Variants in ITGA2 observed in about 807,000 individuals in gnomAD.
ITGA2 encodes the protein integrin subunit alpha 2.
In ITGA2, 101 loss-of-function variants were observed where a neutral mutation model predicts 146.3. The ratio of observed to expected loss-of-function variants is 0.69; its 90% confidence interval spans 0.59 to 0.81. The LOEUF (loss-of-function observed/expected upper bound fraction) is 0.81. Ranked by LOEUF, ITGA2 falls within the 40% of genes least tolerant of loss-of-function variation. The pLI is 0.00. For synonymous variants in ITGA2, 477 were observed against 487.1 expected, an observed-to-expected ratio of 0.98 and a Z score of 0.27; for missense variants, 1,281 against 1,402.7, an observed-to-expected ratio of 0.91 and a Z score of 1.39.
intron 23 of ITGA2, among the ~76,000 whole-genome samples, chr5:53,075,942 A>C (rs1032201780): frequency 1.3e-5 from 2 of 152,104 alleles, no homozygotes; most frequent in South Asian, 4.1e-4. Context: ...TGCCCAAAGC[A>C]AGCAAACCTG....
rs533464833 is a variant in ITGA2 at position 53,061,249 on chromosome 5, T to A, written c.1458+203T>A. Reference sequence around the variant, plus strand: ...CTCCCTTTTGACAACTTACTGGGAATTTAGCTAGCTTTCTAAGGTCACACA... The same window carrying A: ...CTCCCTTTTGACAACTTACTGGGAAATTAGCTAGCTTTCTAAGGTCACACA... On this transcript the variant is annotated intron_variant, in intron 12 of 29. Coordinates refer to ENST00000296585, the MANE Select transcript of ITGA2 (RefSeq NM_002203.4). 4.6e-5 allele frequency among the ~76,000 whole-genome samples: 7 copies of A among 152,000 alleles called. 1 individual carries two copies. The highest frequency in any genetic ancestry group is 1.7e-4 in the African/African-American group (7 of 41,524).
chr5:53,075,358 G>A (rs1429214097), intron 23 of ITGA2, 54 bp downstream of exon 23: 1 of 1,441,916 alleles, frequency 6.9e-7, no homozygotes, highest in Non-Finnish European at 9.8e-7. Context: ...TAGATCAGAA[G>A]ATTTTTGGCT....
intron 7 of ITGA2, among the ~76,000 whole-genome samples, 190 bp from the exon 8 acceptor site, chr5:53,055,348 C>G (rs930274811): frequency 6.6e-6 from 1 of 151,986 alleles, no homozygotes; most frequent in Non-Finnish European, 1.5e-5. Context: ...TAATGTCAAG[C>G]AAGACTTCCA....
chr5:52,996,314 C>G (rs932234338), intron 1 of ITGA2, among the ~76,000 whole-genome samples: 16 of 152,002 alleles, frequency 1.1e-4, no homozygotes, highest in Admixed American at 2.0e-4. Context: ...ATTCATTGCA[C>G]AAGAGAAACT....
intron 10 of ITGA2, among the ~76,000 whole-genome samples, chr5:53,058,547 A>C (rs1184058302): frequency 6.6e-6 from 1 of 151,860 alleles, no homozygotes; most frequent in Admixed American, 6.6e-5. Context: ...GGTAGGAAAA[A>C]CGTGAGGTGG....
rs566829678 is a variant in ITGA2, at chr5:53,094,595, G to T, written c.*3996G>T. 1.3e-5 allele frequency: 2 copies of T among 152,168 alleles called. No individual in the cohort carries two copies. The highest frequency in any genetic ancestry group is 1.3e-4 in the Admixed American group (2 of 15,290). The allele number at this position is 152,168 out of a possible 1,614,324, so 9.4% of individuals were successfully genotyped here. ...ATGCATGTTTGTACAAAAAGTTGCA[G>T]AATTCATTTGATTTATGAGAAACAA... On this transcript the variant is annotated 3_prime_UTR_variant, in exon 30 of 30. Transcript: ENST00000296585.
At chr5:53,066,030 G>T (rs1745133900) in intron 15 of ITGA2, 53 bp downstream of exon 15, 2 of 1,537,502 alleles carry the variant, frequency 1.3e-6, no homozygotes, top group African/African-American at 2.7e-5. Flanking sequence ...TGCTAAGAAA[G>T]CAGAACAGAT....
chr5:53,089,574 G>T (rs188634419), intron 28 of ITGA2: 5 of 200,852 alleles, frequency 2.5e-5, no homozygotes, highest in Non-Finnish European at 5.1e-5. Context: ...GAGTTTCTTC[G>T]ACTCCCTTCC....
intron 1 of ITGA2, among the ~76,000 whole-genome samples, chr5:52,997,850 A>C (rs1054992465): frequency 6.6e-6 from 1 of 152,356 alleles, no homozygotes; most frequent in Middle Eastern, 3.4e-3. Context: ...GTGCATAAAA[A>C]TAGATATTTC....
intron 3 of ITGA2, among the ~76,000 whole-genome samples, chr5:53,044,017 G>A (rs948270666): frequency 1.3e-5 from 2 of 152,152 alleles, no homozygotes; most frequent in Non-Finnish European, 2.9e-5. Flanking sequence ...TCTCACGCCT[G>A]TAATCCTAGC....
intron 9 of ITGA2, among the ~76,000 whole-genome samples, chr5:53,056,477 A>G (rs1337450100): frequency 6.6e-6 from 1 of 151,996 alleles, no homozygotes; most frequent in Non-Finnish European, 1.5e-5. Flanking sequence ...AGAGATTATC[A>G]GGAAGCAAAG....
chr5:53,066,121 A>T, intron 15 of ITGA2, 144 bp downstream of exon 15: 1 of 829,284 alleles, frequency 1.2e-6, no homozygotes, highest in Non-Finnish European at 2.0e-6. Context: ...GCACAAAGGA[A>T]TAAATGTGTT....
chr5:52,990,064 A>T (rs1306716456), intron 1 of ITGA2: 1 of 171,458 alleles, frequency 5.8e-6, no homozygotes. Flanking sequence ...CAACCCAAGG[A>T]TGTGAATAAT....
chr5:53,047,727 CATG>C (rs1358184991), intron 4 of ITGA2, among the ~76,000 whole-genome samples: 2 of 152,136 alleles, frequency 1.3e-5, no homozygotes, highest in Non-Finnish European at 2.9e-5. Context: ...CTTCATTCAC[CATG>C]ATGTCTATAC....
chr5:53,035,084 A>G (rs192692464), intron 2 of ITGA2, among the ~76,000 whole-genome samples: 1 of 152,338 alleles, frequency 6.6e-6, no homozygotes, highest in Admixed American at 6.5e-5. Context: ...AAAGCAGTTT[A>G]CAAATGTTGC....
At chr5:53,062,237 T>A (rs560927635) in intron 12 of ITGA2, among the ~76,000 whole-genome samples, 1 of 152,030 alleles carries the variant, frequency 6.6e-6, no homozygotes, top group South Asian at 2.1e-4. Context: ...ATGTCCTTCT[T>A]ACTTTGCAAT....
intron 1 of ITGA2, among the ~76,000 whole-genome samples, chr5:52,995,611 G>GA (rs1741202786): frequency 6.6e-6 from 1 of 152,150 alleles, no homozygotes; most frequent in South Asian, 2.1e-4. Flanking sequence ...CAAGTTGGAG[G>GA]AAAAAGATGA....
At chr5:52,995,961 G>C (rs2111667745) in intron 1 of ITGA2, among the ~76,000 whole-genome samples, 1 of 152,262 alleles carries the variant, frequency 6.6e-6, no homozygotes, top group East Asian at 1.9e-4. Flanking sequence ...ATTTGGAGAA[G>C]GAAGAGGTAG....
At chr5:53,059,147 C>T (rs1452702271) in intron 10 of ITGA2, among the ~76,000 whole-genome samples, 2 of 151,868 alleles carry the variant, frequency 1.3e-5, no homozygotes, top group Non-Finnish European at 2.9e-5. Context: ...AAATCTGCCT[C>T]GTTTGATGAT....
Sources: allele counts gnomAD v4.1 joint callset (sites outside exome capture counted in the v4.1 genomes callset), GRCh38; gene constraint gnomAD v4.1.1; transcripts MANE v1.5; gene names NCBI Gene and HGNC (gene_info 2026-07-23, HGNC 2026-07-21).